The following RDH12 variants were observed in gnomAD, a reference collection of about 807,000 sequenced individuals.
RDH12 encodes all-trans and 9-cis retinol dehydrogenase.
Under a neutral mutation model 34.0 loss-of-function variants are expected in RDH12, and 21 were observed. That is an observed-to-expected ratio of 0.62 (90% CI 0.44 to 0.89). The LOEUF is 0.89. RDH12 is among the 40% of genes least tolerant of loss of function. RDH12 has a pLI of 0.00. For synonymous variants in RDH12, 198 were observed against 169.9 expected (o/e 1.17, Z -1.29); for missense variants, 394 against 398.6 (o/e 0.99, Z 0.10).
intron 1 of RDH12, among the ~76,000 whole-genome samples, chr14:67,720,315 A>G (rs1004352531): frequency 6.6e-6 from 1 of 152,076 alleles, no homozygotes; most frequent in Non-Finnish European, 1.5e-5. Context: ...TGTTATGAAT[A>G]TTTCCCCCCA....
chr14:67,710,701 T>G (rs1455092423), intron 1 of RDH12, among the ~76,000 whole-genome samples: 1 of 152,034 alleles, frequency 6.6e-6, no homozygotes, highest in African/African-American at 2.4e-5. Context: ...AGACAAAAAT[T>G]TTTCACTTTT....
chr14:67,727,476 G>GTTTTTTTTGTTTTTTTTTTTTTTTTTTT (rs2038202727), intron 7 of RDH12: 1 of 295,164 alleles, frequency 3.4e-6, no homozygotes, highest in Non-Finnish European at 6.5e-6. Context: ...GAGGCTTTTT[G>GTTTTTTTTGTTTTTTTTTTTTTTTTTTT]TTTTTTTTGT....
Position 67,701,912 on chromosome 14 carries a change from C to G in RDH12, c.-298C>G, listed in dbSNP as rs1247373119. The G allele has an allele frequency of 6.6e-6, 1 of 152,166 alleles. No homozygotes were observed. Among genetic ancestry groups the G allele is most frequent in the Admixed American group, 6.5e-5 (1 of 15,270 alleles). The allele number at this position is 152,166 out of a possible 1,614,324, so 9.4% of individuals were successfully genotyped here. On this transcript the variant is annotated 5_prime_UTR_variant, in exon 1 of 9. Transcript: ENST00000551171. Reference sequence around the variant, plus strand: ...GGCACAAGCAATCCTCCCTTCTCAGCTTCCTGAGTGGCCAGGACTACAGGT... The same window carrying G: ...GGCACAAGCAATCCTCCCTTCTCAGGTTCCTGAGTGGCCAGGACTACAGGT...
intron 7 of RDH12, chr14:67,728,023 A>C (rs896994271): frequency 3.3e-5 from 5 of 152,280 alleles, no homozygotes; most frequent in Non-Finnish European, 7.3e-5. Context: ...GTGGATGTGG[A>C]TGTGCCCCTT....
intron 8 of RDH12, chr14:67,729,665 A>C (rs984553760): frequency 8.4e-6 from 5 of 593,016 alleles, no homozygotes; most frequent in South Asian, 8.1e-5. Flanking sequence ...GCTGTTGGTT[A>C]TGCCATGGAG....
At chr14:67,704,570 T>G (rs1294066586) in intron 1 of RDH12, among the ~76,000 whole-genome samples, 1 of 152,178 alleles carries the variant, frequency 6.6e-6, no homozygotes, top group African/African-American at 2.4e-5. Flanking sequence ...ATGGTAAGTA[T>G]TATACCTAAA....
rs201783761 is a variant in RDH12 at position 67,717,609 on chromosome 14, A to AT, written c.-274-3235dup. Among the ~76,000 whole-genome samples the AT allele has an allele frequency of 1.1e-4, 17 of 152,278 alleles. No individual in the cohort carries two copies. In the East Asian group the frequency reaches 3.3e-3, roughly 29 times the overall value. On this transcript the variant is annotated intron_variant, in intron 1 of 8. Transcript: ENST00000551171. ...GGGCAGTGGTTCCCAAACGGGGGTGATTTTGCCCCATAGTGAACAGCTGGC... is the reference window on the plus strand; with the variant it reads ...GGGCAGTGGTTCCCAAACGGGGGTGATTTTTGCCCCATAGTGAACAGCTGGC...
chr14:67,734,257 CTCTT>C lies in RDH12; in HGVS notation c.*415_*418del. The C allele has an allele frequency of 5.0e-6, 1 of 198,540 alleles. No homozygotes were observed. The highest frequency in any genetic ancestry group is 1.0e-4 in the South Asian group (1 of 9,878). The allele number at this position is 198,540 out of a possible 1,614,324, so 12.3% of individuals were successfully genotyped here. ...CTATACACTCCAACTCTTGGTTGAT[CTCTT>C]TCTTTTTAAAAATATTTGCCACCAC... On this transcript the variant is annotated 3_prime_UTR_variant, in exon 9 of 9. Transcript: ENST00000551171.
intron 8 of RDH12, 132 bp downstream of exon 8, chr14:67,729,512 A>G (rs1354806250): frequency 2.4e-6 from 2 of 838,950 alleles, no homozygotes; most frequent in Non-Finnish European, 3.9e-6. Context: ...GCCTGCAAAC[A>G]GAATGCCGTT....
At chr14:67,706,156 CAG>C (rs2037948123) in intron 1 of RDH12, 1 of 152,178 alleles carries the variant, frequency 6.6e-6, no homozygotes, top group African/African-American at 2.4e-5. Context: ...AGGTCAGAAA[CAG>C]AGCAAGTCAA....
chr14:67,724,399 T>G lies in RDH12; in HGVS notation c.69-74T>G, dbSNP rs776319260. On this transcript the variant is annotated intron_variant, in intron 3 of 8. Coordinates refer to ENST00000551171, the MANE Select transcript of RDH12 (RefSeq NM_152443.3). ...TCTTTGAGGCTGGATAGAGTTTTTT[T>G]TTTTTTTTTTAACGTATCTTAGTGT... 5.3e-4 allele frequency: 526 copies of G among 989,500 alleles called. 3 individuals are homozygous for G. The highest frequency in any genetic ancestry group is 1.8e-3 in the East Asian group (58 of 32,722). The allele number at this position is 989,500 out of a possible 1,614,324, so 61.3% of individuals were successfully genotyped here.
chr14:67,708,478 G>A (rs2037974164), intron 1 of RDH12, among the ~76,000 whole-genome samples: 1 of 152,070 alleles, frequency 6.6e-6, no homozygotes, highest in Non-Finnish European at 1.5e-5. Context: ...ACCAAAACAA[G>A]ACAACAATTG....
At chr14:67,721,738 GATATATATATAT>G (rs3039650) in intron 2 of RDH12, among the ~76,000 whole-genome samples, 5 of 147,018 alleles carry the variant, frequency 3.4e-5, no homozygotes, top group Non-Finnish European at 6.0e-5. Flanking sequence ...AACAAGTGGG[GATATATATATAT>G]ATATATATAT....
At chr14:67,727,297 T>C in intron 7 of RDH12, 107 bp downstream of exon 7, 3 of 818,054 alleles carry the variant, frequency 3.7e-6, no homozygotes, top group Non-Finnish European at 6.1e-6. Context: ...CAGTAATATC[T>C]CTGTGGACTA....
At chr14:67,718,769 G>A (rs2038093551) in intron 1 of RDH12, among the ~76,000 whole-genome samples, 1 of 152,146 alleles carries the variant, frequency 6.6e-6, no homozygotes, top group African/African-American at 2.4e-5. Flanking sequence ...CTTTTTTGAT[G>A]TTGATTACAA....
At chr14:67,729,961 G>T in intron 8 of RDH12, 1 of 378,172 alleles carries the variant, frequency 2.6e-6, no homozygotes, top group South Asian at 2.0e-5. Flanking sequence ...CTGCTCTGTT[G>T]TCCCGCTTTG....
chr14:67,730,713 C>T (rs1594868406), intron 8 of RDH12, among the ~76,000 whole-genome samples: 2 of 152,238 alleles, frequency 1.3e-5, no homozygotes, highest in South Asian at 4.1e-4. Flanking sequence ...AAGCGATTCT[C>T]CTGACTCAGC....
chr14:67,722,527 G>A lies in RDH12; in HGVS notation c.-116G>A. On this transcript the variant is annotated 5_prime_UTR_variant, in exon 3 of 9. Coordinates refer to ENST00000551171, the MANE Select transcript of RDH12 (RefSeq NM_152443.3). ...GCTGCTCAGCACCCAGGACGGAGAG[G>A]AGCAGAGAAGCAGCAGAAGCAGCCA... The A allele has an allele frequency of 1.2e-6, 1 of 849,498 alleles. No homozygotes were observed. Among genetic ancestry groups the A allele is most frequent in the Non-Finnish European group, 2.1e-6 (1 of 483,100 alleles). The allele number at this position is 849,498 out of a possible 1,614,324, so 52.6% of individuals were successfully genotyped here.
chr14:67,712,448 T>C (rs908585586), intron 1 of RDH12, among the ~76,000 whole-genome samples: 1 of 123,924 alleles, frequency 8.1e-6, no homozygotes, highest in African/African-American at 2.9e-5. Context: ...GCAATAGCTA[T>C]TAATGAAGAA....
Sources: allele counts gnomAD v4.1 joint callset (sites outside exome capture counted in the v4.1 genomes callset), GRCh38; gene constraint gnomAD v4.1.1; transcripts MANE v1.5; gene names NCBI Gene and HGNC (gene_info 2026-07-23, HGNC 2026-07-21).